The following TNN variants were observed in gnomAD, a reference collection of about 807,000 sequenced individuals.
TNN encodes tenascin N.
A neutral mutation model predicts 134.4 loss-of-function variants in TNN; 122 were observed. The observed-to-expected ratio is 0.91, with a 90% CI of 0.78 to 1.06. TNN has a LOEUF of 1.06. Among genes scored for constraint, TNN ranks in the 50% least tolerant of loss-of-function variants. TNN has a pLI of 0.00. For synonymous variants in TNN, 710 were observed against 670.3 expected (o/e 1.06, Z -0.91); for missense variants, 1,739 against 1,699.4 (o/e 1.02, Z -0.41).
rs745603779 is a variant in TNN at position 175,104,499 on chromosome 1, C to A, written c.2119+5904C>A. Reference sequence around the variant, plus strand: ...TCTTTTTTAAAGTGTCCTAGTAAACCGCACTGATAACAAGCCGTACCAGGT... The same window carrying A: ...TCTTTTTTAAAGTGTCCTAGTAAACAGCACTGATAACAAGCCGTACCAGGT... On this transcript the variant is annotated intron_variant, in intron 9 of 18. Transcript: ENST00000239462. 2.1e-5 allele frequency among the ~76,000 whole-genome samples: 3 copies of A among 145,628 alleles called. 1 individual carries two copies. Among genetic ancestry groups the A allele is most frequent in the Non-Finnish European group, 4.6e-5 (3 of 65,666 alleles).
intron 1 of TNN, among the ~76,000 whole-genome samples, chr1:175,071,082 T>C (rs1445156586): frequency 6.6e-6 from 1 of 152,214 alleles, no homozygotes; most frequent in Admixed American, 6.5e-5. Flanking sequence ...AGTGACTCTG[T>C]TGGAAATCCA....
At chr1:175,115,981 T>G (rs998426308) in intron 9 of TNN, among the ~76,000 whole-genome samples, 2 of 152,236 alleles carry the variant, frequency 1.3e-5, no homozygotes, top group African/African-American at 4.8e-5. Context: ...GTGGCCATCC[T>G]GAGTTTCTGT....
At chr1:175,095,158 G>C (rs1674540563) in intron 7 of TNN, among the ~76,000 whole-genome samples, 1 of 152,124 alleles carries the variant, frequency 6.6e-6, no homozygotes. Flanking sequence ...AAGATTTCGT[G>C]GTGCACAGCC....
Position 175,127,003 on chromosome 1 carries a change from G to T in TNN, c.2963G>T (p.Gly988Val). 3 of 1,614,130 alleles carry T rather than the reference G, an allele frequency of 1.9e-6. No individual in the cohort carries two copies. Among genetic ancestry groups the T allele is most frequent in the Non-Finnish European group, 2.5e-6 (3 of 1,179,996 alleles). Residue 988 changes from glycine (G) to valine (V), a missense_variant, in exon 13 of 19, where the codon GGT (glycine) becomes GTT (valine). Physicochemically the swap from Gly to Val is moderately radical, Grantham distance 109 (BLOSUM62 -3). Coordinates refer to ENST00000239462, the MANE Select transcript of TNN (RefSeq NM_022093.2). ...CGTCCATCTGCTGTAACGCAGTCTG[G>T]TGGCATATTGACCTGGACGCCCCCC... ...NLRPSAVTQS[G>V]GILTWTPPSA...
At chr1:175,130,129 C>G (rs1266134636) in intron 15 of TNN, among the ~76,000 whole-genome samples, 1 of 152,198 alleles carries the variant, frequency 6.6e-6, no homozygotes, top group African/African-American at 2.4e-5. Flanking sequence ...GATAAAGACT[C>G]TCACTGCTCC....
chr1:175,070,187 T>C (rs1673884094), intron 1 of TNN, among the ~76,000 whole-genome samples: 1 of 152,226 alleles, frequency 6.6e-6, no homozygotes, highest in Non-Finnish European at 1.5e-5. Context: ...TGAACATCTT[T>C]GCCTGATGTC....
At chr1:175,135,354 G>A (rs1279097594) in intron 15 of TNN, among the ~76,000 whole-genome samples, 1 of 152,132 alleles carries the variant, frequency 6.6e-6, no homozygotes, top group Admixed American at 6.5e-5. Context: ...TATTTGTTGT[G>A]TGAACTTTTT....
chr1:175,132,011 GACCAAAT>G (rs1558372566), intron 15 of TNN, among the ~76,000 whole-genome samples: 1 of 151,812 alleles, frequency 6.6e-6, no homozygotes, highest in Non-Finnish European at 1.5e-5. Context: ...AGGAGATAGA[GACCAAAT>G]ACCTTTGTAA....
intron 9 of TNN, among the ~76,000 whole-genome samples, chr1:175,104,792 G>A (rs892226867): frequency 1.4e-5 from 2 of 146,030 alleles, no homozygotes; most frequent in Non-Finnish European, 3.0e-5. Context: ...ACCCTCGAGT[G>A]ATTCGGGTGA....
intron 9 of TNN, among the ~76,000 whole-genome samples, chr1:175,115,652 A>ACAGTAGCTC: frequency 6.6e-6 from 1 of 152,130 alleles, no homozygotes; most frequent in African/African-American, 2.4e-5. Flanking sequence ...ACACATTCCA[A>ACAGTAGCTC]CAGTAGCTCC....
chr1:175,077,658 G>A lies in TNN; in HGVS notation c.240G>A (p.Glu80=), dbSNP rs1674081676. 6.2e-7 allele frequency: 1 copy of A among 1,614,226 alleles called. No individual in the cohort carries two copies. The highest frequency in any genetic ancestry group is 1.1e-5 in the South Asian group (1 of 91,086). The part of the protein sequence containing the change: ...ASLLALGEAR[E]EQNIIFRHNI... ...TCTTGGCCCTGGGGGAGGCCAGGGA[G>A]GAACAGAACATCATCTTCAGGCACA... The change falls in exon 2 of 19, where the codon GAG becomes GAA. Residue 80 remains glutamate, a synonymous_variant. Coordinates refer to ENST00000239462, the MANE Select transcript of TNN (RefSeq NM_022093.2).
At chr1:175,137,513 G>A (rs372726980) in intron 17 of TNN, among the ~76,000 whole-genome samples, 3 of 152,314 alleles carry the variant, frequency 2.0e-5, no homozygotes, top group East Asian at 1.9e-4. Context: ...GAAATGAGCA[G>A]TTCAGTGGAA....
At chr1:175,084,401 G>A (rs1001057562) in intron 5 of TNN, among the ~76,000 whole-genome samples, 1 of 152,128 alleles carries the variant, frequency 6.6e-6, no homozygotes, top group African/African-American at 2.4e-5. Context: ...AGTGAGCAGG[G>A]GTGGCTCTCT....
At chr1:175,079,798 T>C in intron 3 of TNN, 91 bp downstream of exon 3, 1 of 1,449,642 alleles carries the variant, frequency 6.9e-7, no homozygotes, top group South Asian at 1.4e-5. Context: ...TTTGGGGGTC[T>C]CTTCCTTTAG....
intron 9 of TNN, among the ~76,000 whole-genome samples, chr1:175,099,437 G>A (rs1299952531): frequency 6.0e-5 from 9 of 150,460 alleles, no homozygotes; most frequent in Non-Finnish European, 1.2e-4. Flanking sequence ...CAGAGGAGGA[G>A]AAGTGAGGGG....
chr1:175,125,268 G>A (rs1675477295), intron 12 of TNN, among the ~76,000 whole-genome samples: 1 of 152,076 alleles, frequency 6.6e-6, no homozygotes, highest in African/African-American at 2.4e-5. Flanking sequence ...GTAGAAAATA[G>A]CCTGGAGACG....
chr1:175,135,063 C>T (rs949083386), intron 15 of TNN, among the ~76,000 whole-genome samples: 3 of 152,306 alleles, frequency 2.0e-5, no homozygotes, highest in South Asian at 2.1e-4. Flanking sequence ...CATTCACCCC[C>T]GTGCTCTTGC....
chr1:175,091,592 T>C (rs575091585), intron 6 of TNN, among the ~76,000 whole-genome samples: 10 of 150,488 alleles, frequency 6.6e-5, no homozygotes, highest in African/African-American at 2.4e-4. Flanking sequence ...TATTTATTTA[T>C]TTATTTATTT....
At chr1:175,125,286 G>A (rs900785294) in intron 12 of TNN, among the ~76,000 whole-genome samples, 2 of 151,896 alleles carry the variant, frequency 1.3e-5, no homozygotes, top group Non-Finnish European at 2.9e-5. Flanking sequence ...ACGTCTTTTT[G>A]GGAAGTTATA....
Sources: gnomAD v4.1 joint callset for allele counts (sites outside exome capture counted in the v4.1 genomes callset) on GRCh38, gnomAD v4.1.1 for gene constraint, MANE v1.5 for transcripts, NCBI Gene and HGNC (gene_info 2026-07-23, HGNC 2026-07-21) for gene names.